The following PALLD variants were observed in gnomAD, a reference collection of about 807,000 sequenced individuals.
PALLD encodes palladin.
Under a neutral mutation model 123.5 loss-of-function variants are expected in PALLD, and 61 were observed. The observed-to-expected ratio is 0.49, with a 90% CI of 0.40 to 0.61. The LOEUF is 0.61. Ranked by LOEUF, PALLD falls within the 20% of genes least tolerant of loss-of-function variation. The pLI, the probability that PALLD is intolerant of heterozygous loss-of-function variation, is 0.00. For missense variants in PALLD, 1,273 were observed against 1,377.0 expected, an observed-to-expected ratio of 0.92 and a Z score of 1.20; for synonymous variants, 465 against 496.4, an observed-to-expected ratio of 0.94 and a Z score of 0.84.
At chr4:168,786,133 G>T (rs1736721540) in intron 10 of PALLD, among the ~76,000 whole-genome samples, 2 of 151,800 alleles carry the variant, frequency 1.3e-5, no homozygotes. Context: ...ATTGAGACCA[G>T]CCTGGCCAAC....
At chr4:168,922,573 A>G (rs1761798029) in intron 18 of PALLD, among the ~76,000 whole-genome samples, 1 of 152,192 alleles carries the variant, frequency 6.6e-6, no homozygotes, top group South Asian at 2.1e-4. Context: ...CTCTTTCAAG[A>G]AATAGAGTAG....
rs928746600 is a variant in PALLD at position 168,896,547 on chromosome 4, A to G, written c.2200-2A>G. The stretch of plus-strand genomic sequence containing the variant: ...TTCACATCTTTTTTTCTACCATTAC[A>G]GGACATTGGTTCTCCTCATGCTTCT... On this transcript the variant is annotated splice_acceptor_variant, in intron 12 of 21. Transcript: ENST00000505667. LOFTEE classifies it high-confidence loss of function. 2.0e-6 allele frequency: 3 copies of G among 1,478,406 alleles called. No individual in the cohort carries two copies. The highest frequency in any genetic ancestry group is 2.8e-5 in the African/African-American group (2 of 71,844). The allele number at this position is 1,478,406 out of a possible 1,614,324, so 91.6% of individuals were successfully genotyped here.
At chr4:168,909,668 C>A (rs987472442) in intron 15 of PALLD, among the ~76,000 whole-genome samples, 9 of 152,076 alleles carry the variant, frequency 5.9e-5, no homozygotes, top group Non-Finnish European at 2.9e-5. Flanking sequence ...TTAATAAAAG[C>A]AAATGCAGCA....
chr4:168,549,565 T>C (rs1230515538), intron 2 of PALLD, among the ~76,000 whole-genome samples: 1 of 152,202 alleles, frequency 6.6e-6, no homozygotes, highest in African/African-American at 2.4e-5. Flanking sequence ...ATCTTGACAT[T>C]TTTAACCCAG....
chr4:168,717,412 G>A (rs924781506), intron 10 of PALLD, among the ~76,000 whole-genome samples: 1 of 151,994 alleles, frequency 6.6e-6, no homozygotes, highest in African/African-American at 2.4e-5. Flanking sequence ...GAGCAATGAT[G>A]TGATCTTGGC....
chr4:168,743,499 GA>G (rs1225621671), intron 10 of PALLD, among the ~76,000 whole-genome samples: 2 of 152,104 alleles, frequency 1.3e-5, no homozygotes, highest in Non-Finnish European at 2.9e-5. Context: ...GCAGTTCTAT[GA>G]AAAGGCACTC....
At chr4:168,835,203 A>G (rs577539559) in intron 10 of PALLD, among the ~76,000 whole-genome samples, 54 of 152,322 alleles carry the variant, frequency 3.5e-4, no homozygotes, top group African/African-American at 1.3e-3. Flanking sequence ...CTTTTTCAGC[A>G]CTTATTTCAA....
At chr4:168,704,818 G>A (rs1346748208) in intron 8 of PALLD, among the ~76,000 whole-genome samples, 2 of 152,038 alleles carry the variant, frequency 1.3e-5, no homozygotes, top group African/African-American at 4.8e-5. Context: ...AGACTCAATA[G>A]GAGGGGTTGC....
rs184582414 is a variant in PALLD at position 168,651,359 on chromosome 4, T to C, written c.909-16831T>C. On this transcript the variant is annotated intron_variant, in intron 2 of 21. Transcript: ENST00000505667. ...ACATCCAAGGTTAGCTCTTTTTTTT[T>C]CCTTAAGATCTGGAATGTTCCCAAC... is the stretch of plus-strand genomic sequence containing the variant. Among the ~76,000 whole-genome samples, 103 of 152,268 alleles carry C rather than the reference T, an allele frequency of 6.8e-4. 2 individuals are homozygous for C. In the South Asian group the frequency reaches 0.014, roughly 21 times the overall value.
chr4:168,511,626 A>T lies in PALLD; in HGVS notation c.122A>T (p.Lys41Met). The T allele has an allele frequency of 6.2e-7, 1 of 1,614,188 alleles. No individual in the cohort carries two copies. The highest frequency in any genetic ancestry group is 2.2e-5 in the East Asian group (1 of 44,870). Residue 41 changes from lysine to methionine, a missense_variant, in exon 2 of 22, where the codon AAG becomes ATG. This residue lies in a region of PALLD where 944 missense variants were observed against 954.5 expected (regional missense o/e 0.99). Transcript: ENST00000505667. ...SAFLSQEEIN[K>M]SLDLARRAIA... is the part of the protein sequence containing the mutation. Reference sequence around the variant, plus strand: ...TTCCTCAGCCAGGAAGAGATAAACAAGAGTCTTGACCTGGCCCGGAGAGCC... The same window carrying T: ...TTCCTCAGCCAGGAAGAGATAAACATGAGTCTTGACCTGGCCCGGAGAGCC...
chr4:168,519,000 G>A (rs908975683), intron 2 of PALLD, among the ~76,000 whole-genome samples: 3 of 152,210 alleles, frequency 2.0e-5, no homozygotes, highest in Non-Finnish European at 4.4e-5. Flanking sequence ...GCATGTATCA[G>A]GATATATGAA....
At chr4:168,790,644 G>T (rs1213333215) in intron 10 of PALLD, among the ~76,000 whole-genome samples, 1 of 151,944 alleles carries the variant, frequency 6.6e-6, no homozygotes, top group Non-Finnish European at 1.5e-5. Flanking sequence ...CTGATGTTCT[G>T]TTCTATGCTG....
Position 168,590,971 on chromosome 4 carries a change from C to A in PALLD, c.909-77219C>A, listed in dbSNP as rs374051240. On this transcript the variant is annotated intron_variant, in intron 2 of 21. Coordinates refer to ENST00000505667, the MANE Select transcript of PALLD (RefSeq NM_001166108.2). ...CTCGGCTCACTGCAACCTCCTCCCCCCAGGTTCAAGCAATTCTCCTGCCTC... is the reference window on the plus strand; with the variant it reads ...CTCGGCTCACTGCAACCTCCTCCCCACAGGTTCAAGCAATTCTCCTGCCTC... Among the ~76,000 whole-genome samples the A allele has an allele frequency of 1.9e-4, 28 of 145,212 alleles. No individual in the cohort carries two copies. In the East Asian group the frequency reaches 4.7e-3, roughly 24 times the overall value.
intron 2 of PALLD, among the ~76,000 whole-genome samples, chr4:168,572,839 A>G (rs1264297965): frequency 1.3e-5 from 2 of 151,256 alleles, no homozygotes; most frequent in African/African-American, 2.4e-5. Context: ...TTTGTGCTCC[A>G]TATAATGGTC....
At chr4:168,892,872 A>G (rs1252859973) in intron 11 of PALLD, among the ~76,000 whole-genome samples, 1 of 152,176 alleles carries the variant, frequency 6.6e-6, no homozygotes, top group African/African-American at 2.4e-5. Flanking sequence ...AGCAGTGAAT[A>G]ACATTCACAG....
intron 10 of PALLD, among the ~76,000 whole-genome samples, chr4:168,793,554 A>T (rs565748744): frequency 6.6e-6 from 1 of 151,938 alleles, no homozygotes; most frequent in South Asian, 2.1e-4. Context: ...CTGAGTTTGA[A>T]TCCTGGCTCT....
chr4:168,685,618 A>G, intron 6 of PALLD, 59 bp downstream of exon 6: 3 of 1,111,280 alleles, frequency 2.7e-6, no homozygotes, highest in East Asian at 2.3e-5. Context: ...TTTCATTTAC[A>G]TGTGGCTTCG....
At chr4:168,759,193 AAAAAAAAAAATAT>A (rs1423238705) in intron 10 of PALLD, among the ~76,000 whole-genome samples, 10 of 32,438 alleles carry the variant, frequency 3.1e-4, no homozygotes, top group Non-Finnish European at 4.9e-4. Flanking sequence ...AAAAAAAAAA[AAAAAAAAAAATAT>A]ATATATATAT....
Position 168,512,101 on chromosome 4 carries a change from A to G in PALLD, c.597A>G (p.Ser199=). ...GAAGCCCAAATGGGGAGTCCTCGTCACCAGACAGTGGGTACCTGTCTCCTA... is the reference window on the plus strand; with the variant it reads ...GAAGCCCAAATGGGGAGTCCTCGTCGCCAGACAGTGGGTACCTGTCTCCTA... ...RNRSPNGESS[S]PDSGYLSPKN... The change falls in exon 2 of 22, where the codon TCA becomes TCG. Residue 199 remains serine (S), a synonymous_variant. Transcript: ENST00000505667. 6.2e-7 allele frequency: 1 copy of G among 1,614,198 alleles called. No homozygotes were observed. The highest frequency in any genetic ancestry group is 8.5e-7 in the Non-Finnish European group (1 of 1,180,020).
Sources: allele counts gnomAD v4.1 joint callset (sites outside exome capture counted in the v4.1 genomes callset), GRCh38; gene constraint gnomAD v4.1.1; regional missense constraint gnomAD v4.1.1; transcripts MANE v1.5; gene names NCBI Gene and HGNC (gene_info 2026-07-23, HGNC 2026-07-21).